The following SLC17A7 variants were observed in gnomAD, a reference collection of about 807,000 sequenced individuals.
SLC17A7 encodes solute carrier family 17 member 7, also known as vesicular glutamate transporter 1.
Under a neutral mutation model 59.1 loss-of-function variants are expected in SLC17A7, and 15 were observed. That is an observed-to-expected ratio of 0.25 (90% CI 0.17 to 0.39). SLC17A7 has a LOEUF of 0.39. SLC17A7 is among the 10% of genes least tolerant of loss of function. SLC17A7 has a pLI of 1.00. For synonymous variants in SLC17A7, 353 were observed against 308.9 expected, an observed-to-expected ratio of 1.14 and a Z score of -1.50; for missense variants, 499 against 765.1, an observed-to-expected ratio of 0.65 and a Z score of 4.10.
At chr19:49,434,566 C>T (rs2122298597) in intron 5 of SLC17A7, 36 bp downstream of exon 5, 1 of 1,576,450 alleles carries the variant, frequency 6.3e-7, no homozygotes, top group Non-Finnish European at 8.6e-7. Context: ...CCCCTCCTCC[C>T]TCAGATTCAG....
In SLC17A7 at chr19:49,430,609, C is replaced by T. The variant is rs921540890; in HGVS notation, c.1593G>A (p.Pro531=). ...AGGGCGGGGGTGCAGGGGGTGCCCC[C>T]GGGGGCTCAGCCTCATCCTCCATTT... ...DSEMEDEAEP[P]GAPPAPPPSY... The change falls in exon 12 of 12, where the codon CCG becomes CCA. Residue 531 remains proline, a synonymous_variant. Transcript: ENST00000221485. 1.9e-6 allele frequency: 3 copies of T among 1,613,444 alleles called. No individual in the cohort carries two copies. Among genetic ancestry groups the T allele is most frequent in the South Asian group, 2.2e-5 (2 of 91,044 alleles).
chr19:49,429,821 G>A lies in SLC17A7; in HGVS notation c.*698C>T, dbSNP rs2078950886. On this transcript the variant is annotated 3_prime_UTR_variant, in exon 12 of 12. Transcript: ENST00000221485. ...AACCATGTCAGAAAAAGTGCACGGG[G>A]GTAGAGAGGCATATTGTTAAAATTG... 4 of 372,262 alleles carry A rather than the reference G, an allele frequency of 1.1e-5. No homozygotes were observed. The highest frequency in any genetic ancestry group is 4.2e-5 in the African/African-American group (2 of 48,094). The allele number at this position is 372,262 out of a possible 1,614,324, so 23.1% of individuals were successfully genotyped here.
At chr19:49,438,399 G>C (rs2078987929) in intron 1 of SLC17A7, 1 of 152,254 alleles carries the variant, frequency 6.6e-6, no homozygotes, top group Admixed American at 6.5e-5. Context: ...CTCTGAGGTG[G>C]GTAGGCAGCC....
At chr19:49,434,510 G>GGCCC in intron 5 of SLC17A7, 92 bp downstream of exon 5, 1 of 1,156,908 alleles carries the variant, frequency 8.6e-7, no homozygotes, top group Non-Finnish European at 1.2e-6. Flanking sequence ...CAGGAGTTCA[G>GGCCC]CCCCCCCAGC....
In SLC17A7 at chr19:49,430,315, C is replaced by T; in HGVS notation, c.*204G>A. On this transcript the variant is annotated 3_prime_UTR_variant, in exon 12 of 12. Coordinates refer to ENST00000221485, the MANE Select transcript of SLC17A7 (RefSeq NM_020309.4). ...GGAACCTTTAGGGGAATTTGGGTATCCTTGAAACTGTCAGTCTGCAGCTTC... is the reference window on the plus strand; with the variant it reads ...GGAACCTTTAGGGGAATTTGGGTATTCTTGAAACTGTCAGTCTGCAGCTTC... 1.6e-5 allele frequency: 8 copies of T among 506,982 alleles called. No homozygotes were observed. The highest frequency in any genetic ancestry group is 2.8e-5 in the Non-Finnish European group (8 of 288,598). The allele number at this position is 506,982 out of a possible 1,614,324, so 31.4% of individuals were successfully genotyped here. A position where few individuals can be genotyped will look rare whatever the true frequency, so the allele number is the denominator to read the frequency against.
Position 49,433,471 on chromosome 19 carries a change from T to C in SLC17A7, c.867+255A>G, listed in dbSNP as rs1373295818. 1.6e-6 allele frequency: 1 copy of C among 626,182 alleles called. No homozygotes were observed. Among genetic ancestry groups the C allele is most frequent in the Non-Finnish European group, 2.9e-6 (1 of 343,360 alleles). The allele number at this position is 626,182 out of a possible 1,614,324, so 38.8% of individuals were successfully genotyped here. A position where few individuals can be genotyped will look rare whatever the true frequency, so the allele number is the denominator to read the frequency against. ...TCTAAGCAAAACCCCCACATTCTAA[T>C]CCCTTCTCTGCTGGCTTTAACTATG... On this transcript the variant is annotated intron_variant, in intron 7 of 11. Coordinates refer to ENST00000221485, the MANE Select transcript of SLC17A7 (RefSeq NM_020309.4). This position sits in a 1 kb window ranked among gnomAD's most constrained non-coding sequence, Gnocchi z 5.7.
intron 2 of SLC17A7, 50 bp from the exon 3 acceptor site, chr19:49,435,336 G>A (rs781697610): frequency 2.9e-6 from 4 of 1,360,578 alleles, no homozygotes; most frequent in Non-Finnish European, 3.1e-6. Flanking sequence ...AGGCTCTGCC[G>A]CTCCACCAAT....
Position 49,429,834 on chromosome 19 carries a change from A to T in SLC17A7, c.*685T>A. The T allele has an allele frequency of 2.9e-6, 1 of 349,752 alleles. No individual in the cohort carries two copies. Among genetic ancestry groups the T allele is most frequent in the Non-Finnish European group, 5.1e-6 (1 of 194,816 alleles). The allele number at this position is 349,752 out of a possible 1,614,324, so 21.7% of individuals were successfully genotyped here. Reference sequence around the variant, plus strand: ...AAAGTGCACGGGGGTAGAGAGGCATATTGTTAAAATTGCGATTTTGGTTGT... The same window carrying T: ...AAAGTGCACGGGGGTAGAGAGGCATTTTGTTAAAATTGCGATTTTGGTTGT... On this transcript the variant is annotated 3_prime_UTR_variant, in exon 12 of 12. Transcript: ENST00000221485.
At chr19:49,437,475 G>A (rs765559110) in intron 1 of SLC17A7, 47 of 154,414 alleles carry the variant, frequency 3.0e-4, no homozygotes, top group Non-Finnish European at 5.9e-4. Context: ...CTGTGATGAC[G>A]AAGAGGGTAT....
rs148771442 is a variant in SLC17A7, at chr19:49,433,344, C to G, written c.867+382G>C. 638 of 429,388 alleles carry G rather than the reference C, an allele frequency of 1.5e-3. 7 individuals are homozygous for G. In the East Asian group the frequency reaches 0.031, roughly 21 times the overall value. 26.6% of individuals were successfully genotyped at this position (429,388 alleles called of 1,614,324 possible). A position where few individuals can be genotyped will look rare whatever the true frequency, so the allele number is the denominator to read the frequency against. On this transcript the variant is annotated intron_variant, in intron 7 of 11. Coordinates refer to ENST00000221485, the MANE Select transcript of SLC17A7 (RefSeq NM_020309.4). The surrounding 1 kb of genome is among the most constrained non-coding windows in gnomAD (Gnocchi z 5.7). The stretch of plus-strand genomic sequence containing the variant: ...TCCTGGGCTCAAGCGATCCTGCAGC[C>G]TCCACCCCCAAAGTGTTGGGATTGC...
In SLC17A7 at chr19:49,430,243, C is replaced by A; in HGVS notation, c.*276G>T. On this transcript the variant is annotated 3_prime_UTR_variant, in exon 12 of 12. Coordinates refer to ENST00000221485, the MANE Select transcript of SLC17A7 (RefSeq NM_020309.4). ...GGTCGAACTGTCCATTCAAATAAAG[C>A]CCTGAAAGGAGAGATTTGAAACCAC... 1 of 326,968 alleles carries A rather than the reference C, an allele frequency of 3.1e-6. No homozygotes were observed. The highest frequency in any genetic ancestry group is 6.1e-5 in the East Asian group (1 of 16,470). 20.3% of individuals were successfully genotyped at this position (326,968 alleles called of 1,614,324 possible).
chr19:49,441,112 G>A (rs1376925056), intron 1 of SLC17A7, among the ~76,000 whole-genome samples: 1 of 152,096 alleles, frequency 6.6e-6, no homozygotes, highest in Non-Finnish European at 1.5e-5. Flanking sequence ...AGCCGGGTGG[G>A]GTGGGGTGCA....
At position 49,431,466 on chromosome 19, in the gene SLC17A7, G is replaced by T. The variant is rs201785892; in HGVS notation, c.1151-18C>A. ...GCCGAAGCCTACGGGGGCGGGGGGGGCCCGCGTCTCCTGAGTGTCGGCCGG... is the reference window on the plus strand; with the variant it reads ...GCCGAAGCCTACGGGGGCGGGGGGGTCCCGCGTCTCCTGAGTGTCGGCCGG... On this transcript the variant is annotated intron_variant, in intron 9 of 11. Coordinates refer to ENST00000221485, the MANE Select transcript of SLC17A7 (RefSeq NM_020309.4). This position sits in a 1 kb window ranked among gnomAD's most constrained non-coding sequence, Gnocchi z 4.6. 5 of 1,604,920 alleles carry T rather than the reference G, an allele frequency of 3.1e-6. No homozygotes were observed. The highest frequency in any genetic ancestry group is 4.3e-6 in the Non-Finnish European group (5 of 1,173,256).
chr19:49,441,249 C>A (rs369662833), intron 1 of SLC17A7, 69 bp downstream of exon 1: 11 of 1,564,978 alleles, frequency 7.0e-6, no homozygotes, highest in African/African-American at 6.8e-5. Context: ...TGTCAGTCTG[C>A]GCCCAGGTGG....
At chr19:49,438,033 G>GACAGAGACCCAGAGAGAGAGGA (rs1568636000) in intron 1 of SLC17A7, 1 of 150,436 alleles carries the variant, frequency 6.6e-6, no homozygotes, top group Non-Finnish European at 1.5e-5. Flanking sequence ...GAGAAAGGGA[G>GACAGAGACCCAGAGAGAGAGGA]ACAGAGACCC....
In SLC17A7 at chr19:49,429,664, C is replaced by T. The variant is rs1358277017; in HGVS notation, c.*855G>A. 8 of 397,856 alleles carry T rather than the reference C, an allele frequency of 2.0e-5. No homozygotes were observed. Among genetic ancestry groups the T allele is most frequent in the East Asian group, 3.6e-5 (1 of 28,072 alleles). The allele number at this position is 397,856 out of a possible 1,614,324, so 24.6% of individuals were successfully genotyped here. ...ATGGCCACTGAGAAACAGGGTAGTTCGAAACCACCCAGGAGAATAAAGTGC... is the reference window on the plus strand; with the variant it reads ...ATGGCCACTGAGAAACAGGGTAGTTTGAAACCACCCAGGAGAATAAAGTGC... On this transcript the variant is annotated 3_prime_UTR_variant, in exon 12 of 12. Coordinates refer to ENST00000221485, the MANE Select transcript of SLC17A7 (RefSeq NM_020309.4).
At chr19:49,435,356 C>A in intron 2 of SLC17A7, 70 bp from the exon 3 acceptor site, 1 of 1,130,172 alleles carries the variant, frequency 8.8e-7, no homozygotes, top group South Asian at 1.3e-5. Context: ...TCAGCACCCA[C>A]AGACTTAGCG....
intron 1 of SLC17A7, among the ~76,000 whole-genome samples, chr19:49,439,138 T>A (rs889036215): frequency 6.6e-6 from 1 of 152,050 alleles, no homozygotes; most frequent in Non-Finnish European, 1.5e-5. Flanking sequence ...TAGGAGGCCA[T>A]TACCCCAAAT....
chr19:49,434,440 G>A (rs1291730408), intron 5 of SLC17A7, among the ~76,000 whole-genome samples, 162 bp downstream of exon 5: 2 of 133,146 alleles, frequency 1.5e-5, no homozygotes, highest in African/African-American at 5.9e-5. Context: ...TCCAGCCCCA[G>A]CCCCTCTTCC....
Sources: allele counts gnomAD v4.1 joint callset (sites outside exome capture counted in the v4.1 genomes callset), GRCh38; gene constraint gnomAD v4.1.1; non-coding constraint Gnocchi (gnomAD v3.1); transcripts MANE v1.5; gene names NCBI Gene and HGNC (gene_info 2026-07-23, HGNC 2026-07-21).